The following KRT32 variants were observed in gnomAD, a reference collection of about 807,000 sequenced individuals.
The protein encoded by KRT32 is keratin, type I cuticular Ha2.
In KRT32, 44 loss-of-function variants were observed where a neutral mutation model predicts 41.8. That is an observed-to-expected ratio of 1.05 (90% CI 0.83 to 1.35). The LOEUF is 1.35. Ranked by LOEUF, KRT32 falls within the 40% of genes most tolerant of loss-of-function variation. The probability of loss-of-function intolerance (pLI) is 0.00; values close to 1 mark genes in which losing one functional copy is unlikely to be tolerated. For missense variants in KRT32, 576 were observed against 584.6 expected (o/e 0.99, Z 0.15); for synonymous variants, 238 against 242.5 (o/e 0.98, Z 0.17).
chr17:41,464,784 G>A (rs146482693), intron 3 of KRT32, among the ~76,000 whole-genome samples: 41 of 152,324 alleles, frequency 2.7e-4, no homozygotes, highest in African/African-American at 9.6e-4. Context: ...GAGGAGGGTA[G>A]CAGGAGCCTG....
chr17:41,464,375 C>G lies in KRT32; in HGVS notation c.777G>C (p.Val259=). ...LNIEVDAAPP[V]DLTRVLEEMR... is the part of the protein sequence containing the mutation. ...TCTCCTCCAGCACCCTGGTCAGGTC[C>G]ACCGGGGGTGCAGCGTCCACCTCGA... Residue 259 remains valine, a synonymous_variant, in exon 4 of 7, where the codon GTG becomes GTC. Transcript: ENST00000225899. 2 of 1,611,706 alleles carry G rather than the reference C, an allele frequency of 1.2e-6. No individual in the cohort carries two copies. The highest frequency in any genetic ancestry group is 3.3e-5 in the Admixed American group (2 of 59,784).
Position 41,466,857 on chromosome 17 carries a change from C to G in KRT32, c.468+1G>C, listed in dbSNP as rs2019073507. 6.2e-7 allele frequency: 1 copy of G among 1,606,112 alleles called. No homozygotes were observed. Among genetic ancestry groups the G allele is most frequent in the Non-Finnish European group, 8.5e-7 (1 of 1,174,464 alleles). On this transcript the variant is annotated splice_donor_variant, in intron 1 of 6. Coordinates refer to ENST00000225899, the MANE Select transcript of KRT32 (RefSeq NM_002278.3). LOFTEE classifies it high-confidence loss of function. ...CCTATTCACCTCACCGCTGCCCTCA[C>G]CTTCTGCTGGAGCTCCTCAATGGTC...
chr17:41,466,791 C>T (rs2019072519), intron 1 of KRT32, 67 bp downstream of exon 1: 4 of 1,175,282 alleles, frequency 3.4e-6, no homozygotes, highest in Non-Finnish European at 4.9e-6. Context: ...AACGAGATTC[C>T]AATCTGGAAT....
chr17:41,462,510 T>C (rs973199835), intron 6 of KRT32, among the ~76,000 whole-genome samples: 1 of 152,176 alleles, frequency 6.6e-6, no homozygotes, highest in African/African-American at 2.4e-5. Flanking sequence ...CCTATCTCCC[T>C]AAACATATGG....
chr17:41,462,089 T>C (rs1356992751), intron 6 of KRT32, among the ~76,000 whole-genome samples: 4 of 152,164 alleles, frequency 2.6e-5, no homozygotes, highest in African/African-American at 9.7e-5. Context: ...TTGAGAGACA[T>C]TTACTGAGCA....
rs2019022964 is a variant in KRT32 at position 41,463,021 on chromosome 17, C to G, written c.1026G>C (p.Glu342Asp). The G allele has an allele frequency of 2.5e-6, 4 of 1,613,866 alleles. No individual in the cohort carries two copies. The highest frequency in any genetic ancestry group is 3.4e-6 in the Non-Finnish European group (4 of 1,179,802). Residue 342 changes from glutamate to aspartate, a missense_variant, in exon 6 of 7, where the codon GAG becomes GAC. Physicochemically the swap from Glu to Asp is conservative, Grantham distance 45. Transcript: ENST00000225899. ...GCTGGGAGCTGTAGCGGGCCTCACT[C>G]TCCGTCAGCGTGTTTTCCAGGGAGT... Reference protein sequence around the residue: ...LRDSLENTLTESEARYSSQLA... With the variant: ...LRDSLENTLTDSEARYSSQLA...
chr17:41,466,724 T>C, intron 1 of KRT32, 134 bp downstream of exon 1: 1 of 657,344 alleles, frequency 1.5e-6, no homozygotes, highest in Non-Finnish European at 2.6e-6. Flanking sequence ...GCTCAAATTA[T>C]AAAATAACCC....
In KRT32 at chr17:41,462,877, C is replaced by T. The variant is rs551102613; in HGVS notation, c.1170G>A (p.Glu390=). The T allele has an allele frequency of 1.9e-6, 3 of 1,570,680 alleles. No individual in the cohort carries two copies. Among genetic ancestry groups the T allele is most frequent in the African/African-American group, 2.9e-5 (2 of 69,596 alleles). ...GGCTCCGGTACGTGTTGATCTCGCC[C>T]TCCAGCCGGGCCCGGACGTCCAGCA... is the stretch of plus-strand genomic sequence containing the variant. ...QVLLDVRARL[E]GEINTYRSLL... Residue 390 remains glutamate, a synonymous_variant, in exon 6 of 7, where the codon GAG becomes GAA. Coordinates refer to ENST00000225899, the MANE Select transcript of KRT32 (RefSeq NM_002278.3).
chr17:41,460,753 G>T (rs1179766379), intron 6 of KRT32, among the ~76,000 whole-genome samples: 1 of 152,106 alleles, frequency 6.6e-6, no homozygotes, highest in Non-Finnish European at 1.5e-5. Flanking sequence ...AATGCATGCA[G>T]GGCTTAAAAC....
At position 41,460,234 on chromosome 17, in the gene KRT32, G is replaced by A. The variant is rs775905231; in HGVS notation, c.1223C>T (p.Pro408Leu). The A allele has an allele frequency of 6.3e-6, 10 of 1,596,662 alleles. No individual in the cohort carries two copies. Among genetic ancestry groups the A allele is most frequent in the African/African-American group, 1.3e-5 (1 of 74,482 alleles). ...SLLENEDCKL[P>L]CNPCSTPSCT... is the part of the protein sequence containing the mutation. ...GGAAGGAGTGGAGCATGGGTTACAG[G>A]GCAGCCTGCAGGAGAAAGTCAAAGA... Residue 408 changes from proline (P) to leucine (L), a missense_variant, in exon 7 of 7, where the codon CCC (proline) becomes CTC (leucine). Physicochemically the swap from Pro to Leu is moderately conservative, Grantham distance 98. Coordinates refer to ENST00000225899, the MANE Select transcript of KRT32 (RefSeq NM_002278.3).
At chr17:41,462,512 A>G (rs1313566170) in intron 6 of KRT32, among the ~76,000 whole-genome samples, 1 of 152,062 alleles carries the variant, frequency 6.6e-6, no homozygotes, top group African/African-American at 2.4e-5. Context: ...TATCTCCCTA[A>G]ACATATGGAA....
chr17:41,463,960 G>A (rs1396055944), intron 5 of KRT32, 118 bp downstream of exon 5: 1 of 1,068,640 alleles, frequency 9.4e-7, no homozygotes, highest in Non-Finnish European at 1.3e-6. Flanking sequence ...AAGTCAACAG[G>A]ATGAGCATCC....
rs753125709 is a variant in KRT32 at position 41,467,069 on chromosome 17, C to T, written c.257G>A (p.Trp86Ter). Reference sequence around the variant, plus strand: ...GCCATTGAAGGCCCCTTCGCTGTACCAGCTGCCGGGGCCCATGGAGCCGGA... The same window carrying T: ...GCCATTGAAGGCCCCTTCGCTGTACTAGCTGCCGGGGCCCATGGAGCCGGA... ...GISGSMGPGSWYSEGAFNGNE... is the reference protein window; with the variant it reads ...GISGSMGPGS Residue 86 changes from tryptophan to a stop codon, truncating the protein, a stop_gained, in exon 1 of 7, where the codon TGG becomes TAG. Coordinates refer to ENST00000225899, the MANE Select transcript of KRT32 (RefSeq NM_002278.3). LOFTEE classifies it high-confidence loss of function. The T allele has an allele frequency of 1.2e-6, 2 of 1,614,224 alleles. No homozygotes were observed. Among genetic ancestry groups the T allele is most frequent in the South Asian group, 1.1e-5 (1 of 91,086 alleles).
At position 41,466,084 on chromosome 17, in the gene KRT32, C is replaced by A. The variant is rs1368200266; in HGVS notation, c.551+10G>T. 1 of 1,613,896 alleles carries A rather than the reference C, an allele frequency of 6.2e-7. No homozygotes were observed. The highest frequency in any genetic ancestry group is 8.5e-7 in the Non-Finnish European group (1 of 1,179,896). ...GTCCTCCCCAGCTCCAGCCCCCCGA[C>A]TGAACTCACTTGGCCCTGAAGTCAT... On this transcript the variant is annotated intron_variant, in intron 2 of 6. Coordinates refer to ENST00000225899, the MANE Select transcript of KRT32 (RefSeq NM_002278.3).
intron 3 of KRT32, 62 bp downstream of exon 3, chr17:41,465,711 C>T (rs942276527): frequency 1.5e-5 from 23 of 1,556,290 alleles, no homozygotes; most frequent in Non-Finnish European, 1.8e-5. Context: ...TATCCAACCC[C>T]ATACCCCACG....
At chr17:41,460,617 C>T (rs2018992895) in intron 6 of KRT32, among the ~76,000 whole-genome samples, 1 of 152,178 alleles carries the variant, frequency 6.6e-6, no homozygotes, top group Admixed American at 6.5e-5. Context: ...CCAAACACTG[C>T]ATGTTCTCAC....
rs1472282227 is a variant in KRT32 at position 41,464,082 on chromosome 17, C to T, written c.992G>A (p.Ser331Asn). The T allele has an allele frequency of 1.3e-6, 2 of 1,591,000 alleles. No homozygotes were observed. Among genetic ancestry groups the T allele is most frequent in the Middle Eastern group, 1.8e-4 (1 of 5,408 alleles). ...TGCCCACCCAGCAGCTCTCACCAGG[C>T]TGTGCTGGGCCTGCAGCTCGATCTC... Reference protein sequence around the residue: ...TLEIELQAQHSLRDSLENTLT... With the variant: ...TLEIELQAQHNLRDSLENTLT... Residue 331 changes from serine (S) to asparagine (N), a missense_variant, in exon 5 of 7, where the codon AGC becomes AAC. Coordinates refer to ENST00000225899, the MANE Select transcript of KRT32 (RefSeq NM_002278.3).
chr17:41,465,836 G>A lies in KRT32; in HGVS notation c.645C>T (p.Asp215=). 1.9e-6 allele frequency: 3 copies of A among 1,613,824 alleles called. No homozygotes were observed. The highest frequency in any genetic ancestry group is 2.5e-6 in the Non-Finnish European group (3 of 1,179,822). ...TCAGGGACTCAACCTGGGCCTCCAG[G>A]TCAGCCTTGCACAGAGTGAGATCAT... ...ILDDLTLCKA[D]LEAQVESLKE... Residue 215 remains aspartate (D), a synonymous_variant, in exon 3 of 7, where the codon GAC becomes GAT. Coordinates refer to ENST00000225899, the MANE Select transcript of KRT32 (RefSeq NM_002278.3).
At chr17:41,460,352 G>T in intron 6 of KRT32, 113 bp from the exon 7 acceptor site, 1 of 1,332,990 alleles carries the variant, frequency 7.5e-7, no homozygotes, top group Non-Finnish European at 1.0e-6. Context: ...TGCTTTCTCT[G>T]CCCAGCCTCC....
Sources: gnomAD v4.1 joint callset for allele counts (sites outside exome capture counted in the v4.1 genomes callset) on GRCh38, gnomAD v4.1.1 for gene constraint, MANE v1.5 for transcripts, NCBI Gene and HGNC (gene_info 2026-07-23, HGNC 2026-07-21) for gene names.